The following MALRD1 variants were observed in gnomAD, a reference collection of about 807,000 sequenced individuals.
MALRD1 encodes MAM and LDL-receptor class A domain-containing protein 1.
MALRD1 carries 247 observed loss-of-function variants against 242.1 expected under a neutral mutation model. The ratio of observed to expected loss-of-function variants is 1.02; its 90% CI spans 0.92 to 1.13. The LOEUF (loss-of-function observed/expected upper bound fraction) is 1.13. Ranked by LOEUF, MALRD1 falls within the 50% of genes most tolerant of loss-of-function variation. The pLI, the probability that MALRD1 is intolerant of heterozygous loss-of-function variation, is 0.00. For synonymous variants in MALRD1, 995 were observed against 866.6 expected, an observed-to-expected ratio of 1.15 and a Z score of -2.60; for missense variants, 2,989 against 2,533.1, an observed-to-expected ratio of 1.18 and a Z score of -3.86.
chr10:19,114,263 A>G (rs1836792414), intron 5 of MALRD1, among the ~76,000 whole-genome samples: 1 of 152,222 alleles, frequency 6.6e-6, no homozygotes, highest in African/African-American at 2.4e-5. Context: ...TAATAGACAT[A>G]CAGGTACTTT....
In MALRD1 at chr10:19,165,265, A is replaced by ATTTT. The variant is rs1456757761; in HGVS notation, c.1657-371_1657-368dup. ...GGAATATATATATATATATATATAT[A>ATTTT]TTTTGTTTTGTTTTGTTTTTGTTTT... On this transcript the variant is annotated intron_variant, in intron 12 of 39. Transcript: ENST00000454679. Among the ~76,000 whole-genome samples the ATTTT allele has an allele frequency of 1.8e-4, 23 of 130,308 alleles. 2 individuals are homozygous for ATTTT. The highest frequency in any genetic ancestry group is 1.5e-3 in the Admixed American group (20 of 13,164). The allele number at this position is 130,308 out of a possible 152,430, so 85.5% of individuals were successfully genotyped here.
chr10:19,662,883 A>G (rs1408053738), intron 36 of MALRD1, among the ~76,000 whole-genome samples: 1 of 152,154 alleles, frequency 6.6e-6, no homozygotes, highest in Non-Finnish European at 1.5e-5. Flanking sequence ...GAAAAAGCCA[A>G]GGTAAAAAGC....
rs78051371 is a variant in MALRD1 at position 19,211,142 on chromosome 10, T to C, written c.2991+1462T>C. ...CCTTCTTATGATATTTACTCAAGGA[T>C]TGGTTTCCAGGAGAAAATCAACTTT... On this transcript the variant is annotated intron_variant, in intron 18 of 39. Transcript: ENST00000454679. 8.2e-3 allele frequency among the ~76,000 whole-genome samples: 1,253 copies of C among 152,228 alleles called. 9 individuals carry two copies. Among genetic ancestry groups the C allele is most frequent in the Non-Finnish European group, 0.013 (870 of 68,002 alleles).
intron 32 of MALRD1, among the ~76,000 whole-genome samples, chr10:19,567,075 T>A (rs1836288415): frequency 6.6e-6 from 1 of 152,200 alleles, no homozygotes; most frequent in East Asian, 1.9e-4. Context: ...TGCACATTAC[T>A]GTGGTTTTTA....
At chr10:19,278,103 C>T (rs1840625928) in intron 19 of MALRD1, among the ~76,000 whole-genome samples, 1 of 152,106 alleles carries the variant, frequency 6.6e-6, no homozygotes, top group African/African-American at 2.4e-5. Flanking sequence ...TGGTAACTGT[C>T]TGCTCTCCAG....
chr10:19,450,440 TG>T lies in MALRD1; in HGVS notation c.4982del (p.Gly1661GlufsTer105). 1 of 1,550,546 alleles carries T rather than the reference TG, an allele frequency of 6.4e-7. No individual in the cohort carries two copies. The highest frequency in any genetic ancestry group is 8.7e-7 in the Non-Finnish European group (1 of 1,146,930). On this transcript the variant is annotated frameshift_variant, in exon 29 of 40. Transcript: ENST00000454679. LOFTEE classifies it high-confidence loss of function. ...TTTCAAGGTATCAGAACAAGGGACC[TG>T]GGAGGAGGAGCTGCAATTGATGATA... The part of the protein sequence containing the change: ...VIFQGIRTRD[L>X]GGGAAIDDIE...
intron 11 of MALRD1, among the ~76,000 whole-genome samples, chr10:19,150,369 C>T (rs1187215648): frequency 6.6e-6 from 1 of 152,026 alleles, no homozygotes; most frequent in East Asian, 1.9e-4. Flanking sequence ...TCCATGCACA[C>T]GATCGGTCCT....
chr10:19,421,924 G>T (rs531985997), intron 28 of MALRD1, among the ~76,000 whole-genome samples: 95 of 152,170 alleles, frequency 6.2e-4, no homozygotes, highest in Non-Finnish European at 1.2e-3. Flanking sequence ...AAGGATGGAA[G>T]GAGCATATGA....
intron 36 of MALRD1, among the ~76,000 whole-genome samples, chr10:19,619,923 A>G (rs1489111397): frequency 6.6e-6 from 1 of 151,934 alleles, no homozygotes; most frequent in African/African-American, 2.4e-5. Context: ...AGACTGAGGC[A>G]GGAGGATTGA....
chr10:19,694,690 A>G (rs1833284169), intron 38 of MALRD1, among the ~76,000 whole-genome samples: 1 of 152,228 alleles, frequency 6.6e-6, no homozygotes, highest in African/African-American at 2.4e-5. Context: ...CTAGAACTAG[A>G]AATACCATTT....
intron 18 of MALRD1, among the ~76,000 whole-genome samples, chr10:19,234,230 T>C (rs1156836719): frequency 6.6e-6 from 1 of 152,038 alleles, no homozygotes; most frequent in Non-Finnish European, 1.5e-5. Context: ...CTATAAATCC[T>C]ATTTTAAAAA....
chr10:19,500,400 G>T (rs191470329), intron 31 of MALRD1, among the ~76,000 whole-genome samples: 1 of 152,164 alleles, frequency 6.6e-6, no homozygotes, highest in African/African-American at 2.4e-5. Flanking sequence ...GTGGGCAAAA[G>T]ATGGACTATA....
chr10:19,552,220 C>A (rs1282457947), intron 32 of MALRD1, among the ~76,000 whole-genome samples: 1 of 151,944 alleles, frequency 6.6e-6, no homozygotes, highest in Non-Finnish European at 1.5e-5. Flanking sequence ...TAATCTGGTC[C>A]TAGGATTTTT....
intron 2 of MALRD1, among the ~76,000 whole-genome samples, chr10:19,072,071 G>C (rs758096364): frequency 1.3e-5 from 2 of 152,124 alleles, no homozygotes; most frequent in Non-Finnish European, 2.9e-5. Flanking sequence ...TTAGAAAAAA[G>C]TAACCAGCAA....
At chr10:19,327,421 T>C (rs1843178767) in intron 22 of MALRD1, 142 bp from the exon 23 acceptor site, 4 of 594,212 alleles carry the variant, frequency 6.7e-6, no homozygotes, top group Non-Finnish European at 1.2e-5. Context: ...AGATATCTAA[T>C]AAAAAATATC....
intron 4 of MALRD1, among the ~76,000 whole-genome samples, chr10:19,091,824 T>A (rs1238458465): frequency 1.1e-5 from 1 of 90,736 alleles, no homozygotes; most frequent in Non-Finnish European, 2.1e-5. Flanking sequence ...AACATCTTTA[T>A]TTCTGCCTTC....
intron 2 of MALRD1, 132 bp downstream of exon 2, chr10:19,066,991 C>G (rs1221081903): frequency 1.7e-6 from 1 of 575,572 alleles, no homozygotes; most frequent in African/African-American, 1.9e-5. Flanking sequence ...GAAGCAGAAT[C>G]TTGTCTGATA....
chr10:19,353,994 T>G (rs1456797747), intron 26 of MALRD1, among the ~76,000 whole-genome samples: 1 of 151,858 alleles, frequency 6.6e-6, no homozygotes, highest in Non-Finnish European at 1.5e-5. Context: ...CCCAAAGTCC[T>G]AGGATTTCAG....
chr10:19,079,125 A>G (rs929870670), intron 2 of MALRD1, among the ~76,000 whole-genome samples: 3 of 151,534 alleles, frequency 2.0e-5, no homozygotes, highest in Non-Finnish European at 4.4e-5. Flanking sequence ...TTACAGCTAT[A>G]CATTTCTTAC....
Sources: gnomAD v4.1 joint callset for allele counts (sites outside exome capture counted in the v4.1 genomes callset) on GRCh38, gnomAD v4.1.1 for gene constraint, MANE v1.5 for transcripts, NCBI Gene and HGNC (gene_info 2026-07-23, HGNC 2026-07-21) for gene names.